KIF20B: variants seen among roughly 807,000 people sequenced by gnomAD.
The protein encoded by KIF20B is kinesin-like protein KIF20B.
KIF20B carries 188 observed loss-of-function variants against 232.5 expected under a neutral mutation model. The observed-to-expected ratio is 0.81, with a 90% confidence interval of 0.72 to 0.91. KIF20B has a LOEUF of 0.91. KIF20B is among the 40% of genes least tolerant of loss of function. The pLI is 0.00. For missense variants in KIF20B, 2,154 were observed against 2,055.9 expected (o/e 1.05, Z -0.92); for synonymous variants, 712 against 683.0 (o/e 1.04, Z -0.66).
At chr10:89,705,483 T>A (rs1346764423) in intron 2 of KIF20B, 42 bp downstream of exon 2, 1 of 1,585,652 alleles carries the variant, frequency 6.3e-7, no homozygotes, top group Non-Finnish European at 8.6e-7. Context: ...CATGCCTCCT[T>A]CTAATGCAAG....
At position 89,768,365 on chromosome 10, in the gene KIF20B, A is replaced by G. The variant is rs1464272867; in HGVS notation, c.5065A>G (p.Asn1689Asp). 1 of 1,586,422 alleles carries G rather than the reference A, an allele frequency of 6.3e-7. No individual in the cohort carries two copies. Among genetic ancestry groups the G allele is most frequent in the Non-Finnish European group, 8.6e-7 (1 of 1,164,590 alleles). ...GAAATTTCCTATTTCAGATGATAGA[A>G]ATTCTTCTGTCAAAAAGGAACAAAA... ...NLKFPISDDR[N>D]SSVKKEQKVA... Residue 1689 changes from asparagine (N) to aspartate (D), a missense_variant, in exon 30 of 33, where the codon AAT becomes GAT. Transcript: ENST00000371728.
At chr10:89,728,769 C>G (rs1466306121) in intron 17 of KIF20B, among the ~76,000 whole-genome samples, 1 of 151,496 alleles carries the variant, frequency 6.6e-6, no homozygotes, top group Non-Finnish European at 1.5e-5. Context: ...ATTTGGCCTC[C>G]CAAAGTGCTG....
chr10:89,709,756 C>T (rs998881705), intron 4 of KIF20B, among the ~76,000 whole-genome samples, 171 bp from the exon 5 acceptor site: 2 of 152,008 alleles, frequency 1.3e-5, no homozygotes, highest in African/African-American at 4.8e-5. Flanking sequence ...AGATTTCTAT[C>T]TTGAAAACTT....
intron 24 of KIF20B, 42 bp from the exon 25 acceptor site, chr10:89,752,525 T>C: frequency 6.8e-7 from 1 of 1,480,670 alleles, no homozygotes; most frequent in East Asian, 2.4e-5. Context: ...TGGTATAACT[T>C]TTGCATATGC....
intron 22 of KIF20B, 151 bp downstream of exon 22, chr10:89,744,078 GAAAA>G (rs756146879): frequency 2.0e-6 from 1 of 495,182 alleles, no homozygotes; most frequent in African/African-American, 2.2e-5. Context: ...AGGCAAAAAA[GAAAA>G]AAAAAAGATA....
Position 89,717,673 on chromosome 10 carries a change from T to C in KIF20B, c.1222T>C (p.Leu408=). 2 of 1,610,082 alleles carry C rather than the reference T, an allele frequency of 1.2e-6. No homozygotes were observed. The highest frequency in any genetic ancestry group is 2.2e-5 in the East Asian group (1 of 44,728). Residue 408 remains leucine, a synonymous_variant, in exon 11 of 33, where the codon TTG becomes CTG. Coordinates refer to ENST00000371728, the MANE Select transcript of KIF20B (RefSeq NM_001284259.2). ...GACTGGGAATATCAACACTTCTTTA[T>C]TGACTCTGGGAAAGTGTATTAACGT... The part of the protein sequence containing the change: ...RETGNINTSL[L]TLGKCINVLK...
intron 4 of KIF20B, 143 bp from the exon 5 acceptor site, chr10:89,709,784 C>A: frequency 1.9e-6 from 1 of 539,006 alleles, no homozygotes. Flanking sequence ...GTAAAACTAT[C>A]AAATGTATTT....
chr10:89,743,825 T>C lies in KIF20B; in HGVS notation c.3933T>C (p.Asp1311=). Residue 1311 remains aspartate, a synonymous_variant, in exon 22 of 33, where the codon GAT becomes GAC. Coordinates refer to ENST00000371728, the MANE Select transcript of KIF20B (RefSeq NM_001284259.2). ...TTTTGTAGGTATCTGTAATGCGTGATGAGGATAAATTACTGAGGATTAAAA... is the reference window on the plus strand; with the variant it reads ...TTTTGTAGGTATCTGTAATGCGTGACGAGGATAAATTACTGAGGATTAAAA... ...QVQKEVSVMR[D]EDKLLRIKIN... 2 of 1,501,754 alleles carry C rather than the reference T, an allele frequency of 1.3e-6. No individual in the cohort carries two copies. The highest frequency in any genetic ancestry group is 1.8e-6 in the Non-Finnish European group (2 of 1,102,676). 93.0% of individuals were successfully genotyped at this position (1,501,754 alleles called of 1,614,324 possible). A position where few individuals can be genotyped will look rare whatever the true frequency, so the allele number is the denominator to read the frequency against.
intron 21 of KIF20B, among the ~76,000 whole-genome samples, chr10:89,740,925 T>C (rs957002944): frequency 1.3e-5 from 2 of 152,144 alleles, no homozygotes. Flanking sequence ...TTGGTACCAG[T>C]GATTGGTTTT....
intron 21 of KIF20B, among the ~76,000 whole-genome samples, chr10:89,742,402 C>T (rs1273876036): frequency 6.6e-6 from 1 of 152,118 alleles, no homozygotes; most frequent in Non-Finnish European, 1.5e-5. Context: ...GTTCACTTGT[C>T]TTAGTCTTAA....
intron 26 of KIF20B, among the ~76,000 whole-genome samples, chr10:89,758,233 A>G (rs1842171315): frequency 6.6e-6 from 1 of 151,964 alleles, no homozygotes; most frequent in Non-Finnish European, 1.5e-5. Flanking sequence ...ACACAGACCA[A>G]TCTCTCTATT....
At chr10:89,770,993 C>G (rs947946941) in intron 31 of KIF20B, among the ~76,000 whole-genome samples, 1 of 152,020 alleles carries the variant, frequency 6.6e-6, no homozygotes, top group African/African-American at 2.4e-5. Context: ...AGCTTCAATC[C>G]TGCTAACTTC....
At chr10:89,701,986 A>G (rs1842620929) in intron 1 of KIF20B, among the ~76,000 whole-genome samples, 2 of 152,212 alleles carry the variant, frequency 1.3e-5, no homozygotes, top group South Asian at 4.1e-4. Flanking sequence ...AAAGGCTGCA[A>G]TGAAGTGTCT....
intron 18 of KIF20B, 90 bp from the exon 19 acceptor site, chr10:89,732,813 T>G: frequency 8.7e-7 from 1 of 1,153,646 alleles, no homozygotes; most frequent in Non-Finnish European, 1.2e-6. Flanking sequence ...AATAAAATTT[T>G]TATGGTACAC....
intron 1 of KIF20B, 49 bp from the exon 2 acceptor site, chr10:89,705,245 A>G (rs1842698029): frequency 3.2e-6 from 5 of 1,557,424 alleles, no homozygotes; most frequent in Non-Finnish European, 4.4e-6. Context: ...TGGGTGGCTT[A>G]CATGCTGACT....
rs1220465776 is a variant in KIF20B at position 89,737,725 on chromosome 10, A to G, written c.2884A>G (p.Met962Val). Reference protein sequence around the residue: ...SKNQEQEEKIMKLSNEIETAT... With the variant: ...SKNQEQEEKIVKLSNEIETAT... ...AAATCAAGAACAGGAGGAAAAGATCATGAAATTGTCAAATGAGATAGAAAC... is the reference window on the plus strand; with the variant it reads ...AAATCAAGAACAGGAGGAAAAGATCGTGAAATTGTCAAATGAGATAGAAAC... Residue 962 changes from methionine (M) to valine (V), a missense_variant, in exon 20 of 33, where the codon ATG (methionine) becomes GTG (valine). By Grantham distance (21) the Met-to-Val change is conservative (BLOSUM62 1). Coordinates refer to ENST00000371728, the MANE Select transcript of KIF20B (RefSeq NM_001284259.2). The G allele has an allele frequency of 1.2e-6, 2 of 1,612,780 alleles. No homozygotes were observed. Among genetic ancestry groups the G allele is most frequent in the Non-Finnish European group, 8.5e-7 (1 of 1,179,426 alleles).
intron 15 of KIF20B, 130 bp downstream of exon 15, chr10:89,725,288 A>T (rs1843156648): frequency 4.7e-6 from 4 of 843,810 alleles, no homozygotes; most frequent in Non-Finnish European, 5.3e-6. Flanking sequence ...GCTTTATTAT[A>T]ATTAGGCATG....
intron 13 of KIF20B, 136 bp downstream of exon 13, chr10:89,719,842 TTC>T: frequency 1.5e-6 from 1 of 663,440 alleles, no homozygotes; most frequent in Admixed American, 3.1e-5. Context: ...TTTGAAAAAT[TTC>T]AAACCTATAG....
intron 16 of KIF20B, among the ~76,000 whole-genome samples, 186 bp downstream of exon 16, chr10:89,726,707 G>T (rs982548318): frequency 6.6e-6 from 1 of 151,832 alleles, no homozygotes; most frequent in Non-Finnish European, 1.5e-5. Flanking sequence ...AATATTTTTT[G>T]ACTTCCATTT....
Sources: allele counts gnomAD v4.1 joint callset (sites outside exome capture counted in the v4.1 genomes callset), GRCh38; gene constraint gnomAD v4.1.1; transcripts MANE v1.5; gene names NCBI Gene and HGNC (gene_info 2026-07-23, HGNC 2026-07-21).